Variants in CHODL observed in about 807,000 individuals in gnomAD.
The protein encoded by CHODL is transmembrane protein MT75.
Under a neutral mutation model 34.5 loss-of-function variants are expected in CHODL, and 29 were observed. The ratio of observed to expected loss-of-function variants is 0.84; its 90% CI spans 0.63 to 1.15. The LOEUF is 1.15. CHODL is among the 50% of genes most tolerant of loss of function. The pLI is 0.00. For missense variants in CHODL, 332 were observed against 332.5 expected, an observed-to-expected ratio of 1.00 and a Z score of 0.01; for synonymous variants, 125 against 116.1, an observed-to-expected ratio of 1.08 and a Z score of -0.49.
intron 2 of CHODL, among the ~76,000 whole-genome samples, chr21:18,161,039 A>G (rs1164557810): frequency 6.6e-6 from 1 of 152,138 alleles, no homozygotes; most frequent in Non-Finnish European, 1.5e-5. Flanking sequence ...TTGGTGTGAG[A>G]TGGTATCTCA....
chr21:18,010,214 G>A (rs143334877), intron 1 of CHODL, among the ~76,000 whole-genome samples: 1,667 of 142,424 alleles, frequency 0.012, 17 homozygotes, highest in Non-Finnish European at 0.019. Context: ...GGAGAATGGC[G>A]GGAACCCGGG....
intron 2 of CHODL, among the ~76,000 whole-genome samples, chr21:18,142,209 G>C (rs898004660): frequency 1.3e-5 from 2 of 149,248 alleles, no homozygotes; most frequent in African/African-American, 5.2e-5. Context: ...TTTAGTTCCA[G>C]CATTGTCCCG....
chr21:18,122,630 CA>C (rs1298679627), intron 2 of CHODL, among the ~76,000 whole-genome samples: 1 of 151,916 alleles, frequency 6.6e-6, no homozygotes, highest in Non-Finnish European at 1.5e-5. Flanking sequence ...GTAACATCAC[CA>C]AAGAATAGAA....
intron 1 of CHODL, among the ~76,000 whole-genome samples, chr21:17,936,759 G>A (rs1389158089): frequency 6.6e-6 from 1 of 152,158 alleles, no homozygotes; most frequent in Non-Finnish European, 1.5e-5. Flanking sequence ...TTTGGAGAAA[G>A]GAGAGTAAAT....
At chr21:18,119,671 T>A (rs1321955841) in intron 2 of CHODL, among the ~76,000 whole-genome samples, 1 of 152,070 alleles carries the variant, frequency 6.6e-6, no homozygotes, top group African/African-American at 2.4e-5. Context: ...AAGCTGCCAA[T>A]AACTCAGGGT....
chr21:18,134,429 ATTTCTGTGGCTCATC>A (rs1205147906), intron 2 of CHODL: 1 of 489,528 alleles, frequency 2.0e-6, no homozygotes, highest in Non-Finnish European at 4.1e-6. Context: ...GTTTGCTATC[ATTTCTGTGGCTCATC>A]TTTCTTTGCT....
intron 1 of CHODL, among the ~76,000 whole-genome samples, chr21:17,937,097 AAAATT>A (rs893258825): frequency 1.3e-5 from 2 of 151,802 alleles, no homozygotes; most frequent in African/African-American, 4.8e-5. Flanking sequence ...AAAAAAAAAA[AAAATT>A]AGGAGGAAGA....
At chr21:18,021,322 G>A (rs1436219582) in intron 1 of CHODL, among the ~76,000 whole-genome samples, 2 of 152,138 alleles carry the variant, frequency 1.3e-5, no homozygotes, top group East Asian at 3.9e-4. Context: ...AATCAAGAGA[G>A]CTCTCATCCT....
At chr21:17,951,303 A>C (rs1347953578) in intron 1 of CHODL, among the ~76,000 whole-genome samples, 2 of 152,162 alleles carry the variant, frequency 1.3e-5, no homozygotes, top group Non-Finnish European at 2.9e-5. Flanking sequence ...CTGCATTGGT[A>C]TAGGTAGGTG....
At chr21:17,980,533 C>G (rs903866037) in intron 1 of CHODL, among the ~76,000 whole-genome samples, 4 of 152,148 alleles carry the variant, frequency 2.6e-5, no homozygotes, top group African/African-American at 9.7e-5. Flanking sequence ...CAGGCCTGTA[C>G]TTGAAAACGT....
chr21:18,078,883 A>C (rs941881246), intron 2 of CHODL, among the ~76,000 whole-genome samples: 1 of 152,180 alleles, frequency 6.6e-6, no homozygotes, highest in African/African-American at 2.4e-5. Flanking sequence ...TAACTTGTCT[A>C]AGGTCCTACA....
intron 2 of CHODL, among the ~76,000 whole-genome samples, chr21:18,035,423 C>A (rs372941489): frequency 1.2e-4 from 18 of 152,066 alleles, no homozygotes; most frequent in African/African-American, 4.1e-4. Context: ...ATTCGAATAT[C>A]ATCTGCCTTG....
At chr21:18,144,037 T>G (rs2146614485) in intron 2 of CHODL, among the ~76,000 whole-genome samples, 1 of 152,234 alleles carries the variant, frequency 6.6e-6, no homozygotes, top group East Asian at 1.9e-4. Context: ...AATTTACAGC[T>G]ACCCAGATTA....
rs184839486 is a variant in CHODL, at chr21:18,046,576, A to T, written c.-45+18605A>T. On this transcript the variant is annotated intron_variant, in intron 2 of 6. Coordinates refer to the CHODL transcript ENST00000400127. ...GTCATTTATTCAAATGGCAATGACTAGTAGAGGAACAGGTACCCACTGTTG... is the reference window on the plus strand; with the variant it reads ...GTCATTTATTCAAATGGCAATGACTTGTAGAGGAACAGGTACCCACTGTTG... Among the ~76,000 whole-genome samples, 527 of 152,080 alleles carry T rather than the reference A, an allele frequency of 3.5e-3. 2 individuals carry two copies. Among genetic ancestry groups the T allele is most frequent in the African/African-American group, 0.012 (504 of 41,540 alleles).
At chr21:18,144,955 A>T (rs1436704067) in intron 2 of CHODL, among the ~76,000 whole-genome samples, 3 of 69,118 alleles carry the variant, frequency 4.3e-5, no homozygotes, top group African/African-American at 1.0e-4. Flanking sequence ...CTTTGAAAAT[A>T]AATTATTTGT....
chr21:18,152,500 G>T (rs988649823), intron 2 of CHODL, among the ~76,000 whole-genome samples: 1 of 152,202 alleles, frequency 6.6e-6, no homozygotes, highest in East Asian at 1.9e-4. Context: ...GCTCATTGAA[G>T]TTGTTGGAAT....
chr21:18,080,271 C>A (rs2064925993), intron 2 of CHODL, among the ~76,000 whole-genome samples: 1 of 152,076 alleles, frequency 6.6e-6, no homozygotes, highest in Non-Finnish European at 1.5e-5. Context: ...ATATCTTCTT[C>A]CATTCTGTAG....
chr21:18,051,004 G>A (rs988771673), intron 2 of CHODL, among the ~76,000 whole-genome samples: 9 of 151,158 alleles, frequency 6.0e-5, no homozygotes, highest in Non-Finnish European at 1.2e-4. Flanking sequence ...AGGTATACAC[G>A]TGCCATGGTG....
chr21:18,196,570 C>T (rs2073590509), intron 2 of CHODL, among the ~76,000 whole-genome samples: 1 of 152,112 alleles, frequency 6.6e-6, no homozygotes, highest in Admixed American at 6.5e-5. Context: ...CAATATGAAT[C>T]CATTTCGGAA....
Sources: allele counts gnomAD v4.1 joint callset (sites outside exome capture counted in the v4.1 genomes callset), GRCh38; gene constraint gnomAD v4.1.1; transcripts MANE v1.5; gene names NCBI Gene and HGNC (gene_info 2026-07-23, HGNC 2026-07-21).